PCDHGB4: variants seen among roughly 807,000 people sequenced by gnomAD.
PCDHGB4 encodes the protein protocadherin gamma-B4.
Under a neutral mutation model 60.5 loss-of-function variants are expected in PCDHGB4, and 38 were observed. That is an observed-to-expected ratio of 0.63 (90% CI 0.48 to 0.82). The LOEUF (loss-of-function observed/expected upper bound fraction) is 0.82. Ranked by LOEUF, PCDHGB4 falls within the 40% of genes least tolerant of loss-of-function variation. The probability of loss-of-function intolerance (pLI) is 0.00; values close to 1 mark genes in which losing one functional copy is unlikely to be tolerated. For synonymous variants in PCDHGB4, 456 were observed against 509.7 expected, an observed-to-expected ratio of 0.89 and a Z score of 1.42; for missense variants, 1,109 against 1,209.6, an observed-to-expected ratio of 0.92 and a Z score of 1.23.
rs757586675 is a variant in PCDHGB4, at chr5:141,399,621, C to T, written c.2397+9340C>T. The T allele has an allele frequency of 1.1e-5, 17 of 1,613,830 alleles. No individual in the cohort carries two copies. The African/African-American group carries it at 2.3e-4, about 22-fold the overall frequency. On this transcript the variant is annotated intron_variant, in intron 1 of 3. Transcript: ENST00000519479. Reference sequence around the variant, plus strand: ...GCGACCTAGAGCCTCTGGCACTGGCCTCTTACGTGTCCATGAGCGCGCAAA... The same window carrying T: ...GCGACCTAGAGCCTCTGGCACTGGCTTCTTACGTGTCCATGAGCGCGCAAA...
chr5:141,429,861 A>G (rs1483953460), intron 1 of PCDHGB4, among the ~76,000 whole-genome samples: 1 of 152,226 alleles, frequency 6.6e-6, no homozygotes, highest in Non-Finnish European at 1.5e-5. Flanking sequence ...TCTTTGGACT[A>G]CCAATTTTCT....
intron 1 of PCDHGB4, among the ~76,000 whole-genome samples, chr5:141,455,732 A>G (rs1056074268): frequency 6.6e-6 from 1 of 152,190 alleles, no homozygotes; most frequent in Non-Finnish European, 1.5e-5. Context: ...CTGCATTTGC[A>G]TATCAAAGGT....
At chr5:141,466,655 AT>A (rs754296083) in intron 1 of PCDHGB4, among the ~76,000 whole-genome samples, 3 of 152,206 alleles carry the variant, frequency 2.0e-5, no homozygotes, top group Non-Finnish European at 4.4e-5. Context: ...TTCACAAAAC[AT>A]CAGTGATTTC....
intron 1 of PCDHGB4, among the ~76,000 whole-genome samples, chr5:141,488,782 C>T (rs990081222): frequency 2.0e-5 from 3 of 152,178 alleles, no homozygotes; most frequent in Non-Finnish European, 1.5e-5. Flanking sequence ...TTTTGTATCA[C>T]TTTGTCTTCC....
intron 1 of PCDHGB4, chr5:141,415,323 G>C: frequency 1.9e-6 from 3 of 1,614,236 alleles, no homozygotes; most frequent in South Asian, 2.2e-5. Flanking sequence ...TCGTGCTGCT[G>C]GCGCACAGGC....
At chr5:141,507,563 G>A (rs2099861587) in intron 3 of PCDHGB4, among the ~76,000 whole-genome samples, 1 of 152,222 alleles carries the variant, frequency 6.6e-6, no homozygotes, top group Non-Finnish European at 1.5e-5. Flanking sequence ...CAGGCGGCTG[G>A]GTCTGAGGAG....
chr5:141,503,260 C>A (rs2154593294), intron 2 of PCDHGB4, among the ~76,000 whole-genome samples: 1 of 152,178 alleles, frequency 6.6e-6, no homozygotes, highest in African/African-American at 2.4e-5. Flanking sequence ...ACAGCCACAA[C>A]CCCAGCACCT....
chr5:141,399,896 T>G (rs1271195619), intron 1 of PCDHGB4: 2 of 1,612,518 alleles, frequency 1.2e-6, no homozygotes, highest in Non-Finnish European at 8.5e-7. Flanking sequence ...GTAGTGGCCG[T>G]GGACGCAGAC....
At chr5:141,419,146 G>A in intron 1 of PCDHGB4, 1 of 1,613,922 alleles carries the variant, frequency 6.2e-7, no homozygotes, top group Non-Finnish European at 8.5e-7. Context: ...ACAGGGGCAA[G>A]CCTCCGTTAT....
At chr5:141,404,058 T>C (rs1411363585) in intron 1 of PCDHGB4, 1 of 1,613,778 alleles carries the variant, frequency 6.2e-7, no homozygotes, top group Non-Finnish European at 8.5e-7. Flanking sequence ...ATTCTTCTTT[T>C]CAATGCTCAT....
At chr5:141,402,737 G>C (rs948478466) in intron 1 of PCDHGB4, among the ~76,000 whole-genome samples, 7 of 152,158 alleles carry the variant, frequency 4.6e-5, no homozygotes, top group African/African-American at 1.4e-4. Flanking sequence ...CGCCGCTGTT[G>C]ATCAACTCTA....
At chr5:141,461,740 G>T (rs770518286) in intron 1 of PCDHGB4, among the ~76,000 whole-genome samples, 1 of 152,072 alleles carries the variant, frequency 6.6e-6, no homozygotes, top group African/African-American at 2.4e-5. Context: ...GCACAATCCC[G>T]GCTCCCAGAT....
rs777293240 is a variant in PCDHGB4, at chr5:141,393,034, T to A, written c.2397+2753T>A. The A allele has an allele frequency of 1.3e-5, 21 of 1,613,636 alleles. No homozygotes were observed. Among genetic ancestry groups the A allele is most frequent in the Admixed American group, 6.7e-5 (4 of 59,986 alleles). Reference sequence around the variant, plus strand: ...ATCGTCTCCAGAGGTAGGACGCAGCTCTTTGCTCTGAACCCGCGCAGCGGC... The same window carrying A: ...ATCGTCTCCAGAGGTAGGACGCAGCACTTTGCTCTGAACCCGCGCAGCGGC... On this transcript the variant is annotated intron_variant, in intron 1 of 3. Coordinates refer to ENST00000519479, the MANE Select transcript of PCDHGB4 (RefSeq NM_003736.4).
Position 141,390,248 on chromosome 5 carries a change from A to G in PCDHGB4, c.2364A>G (p.Pro788=), listed in dbSNP as rs778353032. 2.5e-6 allele frequency: 4 copies of G among 1,613,850 alleles called. No individual in the cohort carries two copies. Among genetic ancestry groups the G allele is most frequent in the East Asian group, 2.2e-5 (1 of 44,906 alleles). ...LCGDSSGALF[P]LCNSSELTSH... The stretch of plus-strand genomic sequence containing the variant: ...GTGATTCATCTGGGGCCTTATTTCC[A>G]CTTTGTAATTCCAGTGAATTGACTT... Residue 788 remains proline (P), a synonymous_variant, in exon 1 of 4, where the codon CCA becomes CCG. Transcript: ENST00000519479.
chr5:141,467,055 C>CTT (rs1193465269), intron 1 of PCDHGB4, among the ~76,000 whole-genome samples: 5 of 134,496 alleles, frequency 3.7e-5, no homozygotes, highest in African/African-American at 5.4e-5. Context: ...TCAATGTTTT[C>CTT]TTTTTTTTTT....
chr5:141,488,564 G>A (rs1047904416), intron 1 of PCDHGB4, among the ~76,000 whole-genome samples: 4 of 152,154 alleles, frequency 2.6e-5, no homozygotes, highest in Non-Finnish European at 5.9e-5. Context: ...TGAGATTTCC[G>A]CAAAGCATTG....
chr5:141,401,761 A>T (rs2094191513), intron 1 of PCDHGB4, among the ~76,000 whole-genome samples: 1 of 152,210 alleles, frequency 6.6e-6, no homozygotes, highest in African/African-American at 2.4e-5. Flanking sequence ...ATTACATGGT[A>T]TAAGTCTTTT....
rs2091769935 is a variant in PCDHGB4 at position 141,389,443 on chromosome 5, A to G, written c.1559A>G (p.His520Arg). 6.2e-7 allele frequency: 1 copy of G among 1,610,442 alleles called. No homozygotes were observed. Among genetic ancestry groups the G allele is most frequent in the Non-Finnish European group, 8.5e-7 (1 of 1,178,370 alleles). Reference sequence around the variant, plus strand: ...GTGTTCGCGCAGCGCGCCTTCGACCACGAGCAGCTGCGCGCCTTCGAACTC... The same window carrying G: ...GTGTTCGCGCAGCGCGCCTTCGACCGCGAGCAGCTGCGCGCCTTCGAACTC... Reference protein sequence around the residue: ...GVVFAQRAFDHEQLRAFELTL... With the variant: ...GVVFAQRAFDREQLRAFELTL... The change falls in exon 1 of 4, where the codon CAC becomes CGC. Residue 520 changes from histidine to arginine, a missense_variant. By Grantham distance (29) the His-to-Arg change is conservative. This residue lies in a region of PCDHGB4 where 1,068 missense variants were observed against 1,089.9 expected (regional missense o/e 0.98). Transcript: ENST00000519479.
At chr5:141,464,279 C>CA (rs373828487) in intron 1 of PCDHGB4, among the ~76,000 whole-genome samples, 31,576 of 137,520 alleles carry the variant, frequency 0.23, 3,494 homozygotes, top group African/African-American at 0.28. Context: ...AAAAAAAAAG[C>CA]AAAAAAAAAA....
Sources: allele counts gnomAD v4.1 joint callset (sites outside exome capture counted in the v4.1 genomes callset), GRCh38; gene constraint gnomAD v4.1.1; regional missense constraint gnomAD v4.1.1; transcripts MANE v1.5; gene names NCBI Gene and HGNC (gene_info 2026-07-23, HGNC 2026-07-21).